Variants in AFG3L2 observed in about 807,000 individuals in gnomAD.
AFG3L2 encodes the protein mitochondrial inner membrane m-AAA protease component AFG3L2.
A neutral mutation model predicts 94.5 loss-of-function variants in AFG3L2; 54 were observed. The ratio of observed to expected loss-of-function variants is 0.57; its 90% CI spans 0.46 to 0.72. The LOEUF (loss-of-function observed/expected upper bound fraction) is 0.72. Ranked by LOEUF, AFG3L2 falls within the 30% of genes least tolerant of loss-of-function variation. AFG3L2 has a pLI of 0.00. For missense variants in AFG3L2, 754 were observed against 994.9 expected, an observed-to-expected ratio of 0.76 and a Z score of 3.26; for synonymous variants, 377 against 365.5, an observed-to-expected ratio of 1.03 and a Z score of -0.36.
At position 12,337,667 on chromosome 18, in the gene AFG3L2, C is replaced by G. The variant is rs1198031821; in HGVS notation, c.1981-132G>C. The G allele has an allele frequency of 6.3e-6, 5 of 792,442 alleles. No individual in the cohort carries two copies. The East Asian group carries it at 1.1e-4, about 17-fold the overall frequency. The allele number at this position is 792,442 out of a possible 1,614,324, so 49.1% of individuals were successfully genotyped here. A position where few individuals can be genotyped will look rare whatever the true frequency, so the allele number is the denominator to read the frequency against. On this transcript the variant is annotated intron_variant, in intron 15 of 16. Transcript: ENST00000269143. ...GCCAGCAGCAGCAGCAGCAGCAGCA[C>G]AGTGCTTTAAACTCATGACTAGAAA...
In AFG3L2 at chr18:12,340,410, T is replaced by C. The variant is rs1424191136; in HGVS notation, c.1780-9A>G. 2.5e-6 allele frequency: 4 copies of C among 1,604,366 alleles called. No homozygotes were observed. In the Admixed American group the frequency reaches 5.0e-5, roughly 20 times the overall value. On this transcript the variant is annotated splice_polypyrimidine_tract_variant and intron_variant, in intron 14 of 16. Transcript: ENST00000269143. ...CGTGGGATGATGGATACCTGGTAAG[T>C]AGAAAACAGTGTTGAAGATCCTACT...
At chr18:12,356,427 C>G (rs191368591) in intron 9 of AFG3L2, among the ~76,000 whole-genome samples, 9 of 152,342 alleles carry the variant, frequency 5.9e-5, no homozygotes, top group Admixed American at 1.3e-4. Context: ...GCTGGAATTA[C>G]AGGCATGAGC....
In AFG3L2 at chr18:12,351,221, C is replaced by A; in HGVS notation, c.1427-11G>T. On this transcript the variant is annotated splice_polypyrimidine_tract_variant and intron_variant, in intron 11 of 16. Transcript: ENST00000269143. ...TTATGTCTGGTGGTCCTTTAGAAAT[C>A]ATTTTTAAGGAAAAGAAAATCATAT... 6.2e-7 allele frequency: 1 copy of A among 1,614,048 alleles called. No individual in the cohort carries two copies. The highest frequency in any genetic ancestry group is 1.1e-5 in the South Asian group (1 of 91,060).
intron 2 of AFG3L2, 24 bp from the exon 3 acceptor site, chr18:12,370,950 C>T: frequency 7.3e-7 from 1 of 1,371,410 alleles, no homozygotes; most frequent in Non-Finnish European, 1.0e-6. Context: ...AAAAAAAATA[C>T]TTATCTTCAA....
intron 8 of AFG3L2, among the ~76,000 whole-genome samples, chr18:12,357,879 G>A (rs1908541409): frequency 6.6e-6 from 1 of 152,168 alleles, no homozygotes. Context: ...GATTACAGGA[G>A]TGAGCCACTG....
At chr18:12,350,940 C>G in intron 12 of AFG3L2, 145 bp downstream of exon 12, 1 of 1,087,360 alleles carries the variant, frequency 9.2e-7, no homozygotes, top group Non-Finnish European at 1.3e-6. Context: ...AAGTGAGACC[C>G]TGTCTCAAAA....
intron 12 of AFG3L2, 102 bp downstream of exon 12, chr18:12,350,983 C>T: frequency 6.7e-7 from 1 of 1,483,822 alleles, no homozygotes. Flanking sequence ...CTTAGGAAGC[C>T]CACAGTAAAG....
chr18:12,331,541 G>T (rs1477673624), intron 16 of AFG3L2, among the ~76,000 whole-genome samples: 1 of 152,076 alleles, frequency 6.6e-6, no homozygotes, highest in Non-Finnish European at 1.5e-5. Context: ...AATGGCTCAC[G>T]CCTGTAATCC....
At chr18:12,333,980 A>G (rs1907666247) in intron 16 of AFG3L2, among the ~76,000 whole-genome samples, 1 of 152,196 alleles carries the variant, frequency 6.6e-6, no homozygotes, top group Non-Finnish European at 1.5e-5. Flanking sequence ...AAACTGATGT[A>G]AGAGGTCACT....
At chr18:12,369,082 A>AGGTATG (rs1908897285) in intron 3 of AFG3L2, among the ~76,000 whole-genome samples, 1 of 152,078 alleles carries the variant, frequency 6.6e-6, no homozygotes, top group African/African-American at 2.4e-5. Flanking sequence ...AGTCTGAGAC[A>AGGTATG]GGTATGATAT....
At position 12,333,614 on chromosome 18, in the gene AFG3L2, C is replaced by T. The variant is rs1222161974; in HGVS notation, c.2175+3727G>A. On this transcript the variant is annotated intron_variant, in intron 16 of 16. Coordinates refer to ENST00000269143, the MANE Select transcript of AFG3L2 (RefSeq NM_006796.3). Reference sequence around the variant, plus strand: ...TCCTGGGCTCAAGTGATCCACCCACCTCAGCCTCCCAAAGTGCTGGGATTA... The same window carrying T: ...TCCTGGGCTCAAGTGATCCACCCACTTCAGCCTCCCAAAGTGCTGGGATTA... 2.6e-5 allele frequency among the ~76,000 whole-genome samples: 4 copies of T among 151,962 alleles called. No individual in the cohort carries two copies. The East Asian group carries it at 5.8e-4, about 22-fold the overall frequency.
chr18:12,376,985 T>G lies in AFG3L2; in HGVS notation c.98A>C (p.Gln33Pro), dbSNP rs777868371. Reference protein sequence around the residue: ...LVPGGVGPGEQPCLRTLYRFV... With the variant: ...LVPGGVGPGEPPCLRTLYRFV... Reference sequence around the variant, plus strand: ...AGGACTCACCGTCCGGAGGCAGGGCTGCTCGCCCGGGCCCACGCCGCCAGG... The same window carrying G: ...AGGACTCACCGTCCGGAGGCAGGGCGGCTCGCCCGGGCCCACGCCGCCAGG... Residue 33 changes from glutamine to proline, a missense_variant, in exon 1 of 17, where the codon CAG (glutamine) becomes CCG (proline). Physicochemically the swap from Gln to Pro is moderately conservative, Grantham distance 76. This residue lies in a region of AFG3L2 where 236 missense variants were observed against 214.0 expected (regional missense o/e 1.10). Transcript: ENST00000269143. 494 of 1,460,644 alleles carry G rather than the reference T, an allele frequency of 3.4e-4. 1 individual carries two copies. In the African/African-American group the frequency reaches 6.6e-3, roughly 19 times the overall value. The allele number at this position is 1,460,644 out of a possible 1,614,324, so 90.5% of individuals were successfully genotyped here.
At chr18:12,376,343 T>C (rs894450432) in intron 1 of AFG3L2, among the ~76,000 whole-genome samples, 1 of 152,198 alleles carries the variant, frequency 6.6e-6, no homozygotes, top group Middle Eastern at 3.2e-3. Context: ...CAACACTCTA[T>C]CATTATGTCA....
chr18:12,359,258 T>C (rs1347800724), intron 7 of AFG3L2, among the ~76,000 whole-genome samples: 1 of 152,080 alleles, frequency 6.6e-6, no homozygotes, highest in African/African-American at 2.4e-5. Context: ...CCTGGAAAAC[T>C]GTGAAATGTA....
chr18:12,363,795 G>A lies in AFG3L2; in HGVS notation c.614C>T (p.Thr205Ile). ...AAAATGATTTACCCCATCAACAGGA[G>A]TTTTTCCTGGTGTAAAGGTCACTCG... The part of the protein sequence containing the change: ...FVRVTFTPGK[T>I]PVDGQYVWFN... Residue 205 changes from threonine (T) to isoleucine (I), a missense_variant, in exon 6 of 17, where the codon ACT (threonine) becomes ATT (isoleucine). By Grantham distance (89) the Thr-to-Ile change is moderately conservative. This residue lies in a region of AFG3L2 where 130 missense variants were observed against 175.1 expected (regional missense o/e 0.74). Transcript: ENST00000269143. 6.2e-7 allele frequency: 1 copy of A among 1,612,272 alleles called. No homozygotes were observed. Among genetic ancestry groups the A allele is most frequent in the Non-Finnish European group, 8.5e-7 (1 of 1,179,110 alleles).
intron 7 of AFG3L2, 35 bp downstream of exon 7, chr18:12,359,892 G>C: frequency 6.2e-7 from 1 of 1,611,432 alleles, no homozygotes; most frequent in Non-Finnish European, 8.5e-7. Flanking sequence ...AGGCAGCACA[G>C]TCAACAGTCT....
At chr18:12,342,363 C>G (rs1907980598) in intron 14 of AFG3L2, 1 of 152,192 alleles carries the variant, frequency 6.6e-6, no homozygotes, top group Admixed American at 6.5e-5. Flanking sequence ...CTGGGAAATG[C>G]ATGTTTAAAT....
chr18:12,355,159 G>A (rs528752026), intron 9 of AFG3L2, among the ~76,000 whole-genome samples: 130 of 150,156 alleles, frequency 8.7e-4, no homozygotes, highest in Non-Finnish European at 1.7e-3. Context: ...AGGTTATGCC[G>A]CTGCACTCCA....
At chr18:12,349,126 T>C (rs1261345082) in intron 12 of AFG3L2, among the ~76,000 whole-genome samples, 1 of 152,190 alleles carries the variant, frequency 6.6e-6, no homozygotes, top group African/African-American at 2.4e-5. Flanking sequence ...AAGGATCATA[T>C]TTTACATTAA....
Sources: gnomAD v4.1 joint callset for allele counts (sites outside exome capture counted in the v4.1 genomes callset) on GRCh38, gnomAD v4.1.1 for gene constraint, gnomAD v4.1.1 regional missense constraint, MANE v1.5 for transcripts, NCBI Gene and HGNC (gene_info 2026-07-23, HGNC 2026-07-21) for gene names.